Variants in KIAA1614 observed in about 807,000 individuals in gnomAD.
KIAA1614 encodes the protein KIAA1614.
In KIAA1614, 76 loss-of-function variants were observed where a neutral mutation model predicts 88.7. The observed-to-expected ratio is 0.86, with a 90% CI of 0.71 to 1.04. The LOEUF (loss-of-function observed/expected upper bound fraction) is 1.04. Among genes scored for constraint, KIAA1614 ranks in the 50% least tolerant of loss-of-function variants. The pLI is 0.00. For synonymous variants in KIAA1614, 714 were observed against 675.5 expected (o/e 1.06, Z -0.88); for missense variants, 1,553 against 1,582.5 (o/e 0.98, Z 0.32).
intron 5 of KIAA1614, among the ~76,000 whole-genome samples, chr1:180,937,073 A>G (rs2102271508): frequency 6.6e-6 from 1 of 152,342 alleles, no homozygotes; most frequent in East Asian, 1.9e-4. Flanking sequence ...TCCAGGATTT[A>G]CTATTTGTTT....
chr1:180,941,297 G>A lies in KIAA1614; in HGVS notation c.3159+12G>A. On this transcript the variant is annotated intron_variant, in intron 7 of 8. Coordinates refer to ENST00000367588, the MANE Select transcript of KIAA1614 (RefSeq NM_020950.2). Reference sequence around the variant, plus strand: ...AATCCCTGCACCCGGTGAGTCCAGGGGCCCCAGCCCAGGGAGTGAAGCCAG... The same window carrying A: ...AATCCCTGCACCCGGTGAGTCCAGGAGCCCCAGCCCAGGGAGTGAAGCCAG... 6.3e-7 allele frequency: 1 copy of A among 1,596,300 alleles called. No individual in the cohort carries two copies. Among genetic ancestry groups the A allele is most frequent in the Non-Finnish European group, 8.6e-7 (1 of 1,167,860 alleles).
In KIAA1614 at chr1:180,913,030, C is replaced by T. The variant is rs898266615; in HGVS notation, c.-214C>T. ...TGCGGCCCGTGGGGCGCTGCGCCGG[C>T]CAGACCCACCCGGGGCCCGGGGGCT... is the stretch of plus-strand genomic sequence containing the variant. On this transcript the variant is annotated 5_prime_UTR_variant, in exon 1 of 9. Transcript: ENST00000367588. The T allele has an allele frequency of 2.4e-5, 7 of 297,060 alleles. No individual in the cohort carries two copies. Among genetic ancestry groups the T allele is most frequent in the Non-Finnish European group, 3.7e-5 (6 of 162,248 alleles). 18.4% of individuals were successfully genotyped at this position (297,060 alleles called of 1,614,324 possible). A position where few individuals can be genotyped will look rare whatever the true frequency, so the allele number is the denominator to read the frequency against.
chr1:180,927,423 G>C (rs1037473884), intron 3 of KIAA1614, among the ~76,000 whole-genome samples: 6 of 152,238 alleles, frequency 3.9e-5, no homozygotes, highest in Non-Finnish European at 8.8e-5. Flanking sequence ...ACAGTGGGCT[G>C]GCTGTCGTGT....
chr1:180,945,444 T>A lies in KIAA1614; in HGVS notation c.3429T>A (p.Thr1143=), dbSNP rs2102278366. ...AGCTGCAGCGCTCCCCAGGGGGCAC[T>A]TTCGGCTTCTGCGTGGCCTCTGGGA... ...QLQLQRSPGG[T]FGFCVASGNG... is the part of the protein sequence containing the mutation. Residue 1143 remains threonine, a synonymous_variant, in exon 9 of 9, where the codon ACT becomes ACA. Coordinates refer to ENST00000367588, the MANE Select transcript of KIAA1614 (RefSeq NM_020950.2). 5.0e-6 allele frequency: 8 copies of A among 1,612,260 alleles called. No individual in the cohort carries two copies. Among genetic ancestry groups the A allele is most frequent in the Non-Finnish European group, 6.8e-6 (8 of 1,179,570 alleles).
intron 5 of KIAA1614, among the ~76,000 whole-genome samples, chr1:180,937,291 T>C (rs1223773000): frequency 6.6e-6 from 1 of 152,212 alleles, no homozygotes; most frequent in Non-Finnish European, 1.5e-5. Flanking sequence ...AGACACACTG[T>C]CCAGAGGACC....
chr1:180,934,266 AAAAAGAAAAG>A (rs1210966485), intron 4 of KIAA1614, among the ~76,000 whole-genome samples: 3 of 115,868 alleles, frequency 2.6e-5, no homozygotes, highest in African/African-American at 1.0e-4. Flanking sequence ...AAAAAAAAAA[AAAAAGAAAAG>A]AAAAGAAAAG....
intron 6 of KIAA1614, among the ~76,000 whole-genome samples, chr1:180,940,615 G>T (rs1375022139): frequency 6.6e-6 from 1 of 152,028 alleles, no homozygotes; most frequent in Non-Finnish European, 1.5e-5. Context: ...CAGAGTATCT[G>T]GCAGTCTTTT....
intron 3 of KIAA1614, among the ~76,000 whole-genome samples, chr1:180,923,600 T>C (rs1328546226): frequency 6.6e-6 from 1 of 152,212 alleles, no homozygotes; most frequent in Non-Finnish European, 1.5e-5. Flanking sequence ...ATCTCCTCCC[T>C]GAGCTCCTGG....
chr1:180,933,087 G>C (rs186620618), intron 4 of KIAA1614, among the ~76,000 whole-genome samples: 1 of 152,188 alleles, frequency 6.6e-6, no homozygotes, highest in Admixed American at 6.5e-5. Context: ...CAGTGCTTAT[G>C]GGGGGAAATG....
intron 1 of KIAA1614, chr1:180,914,162 G>C (rs1014302961): frequency 1.3e-5 from 2 of 151,782 alleles, no homozygotes; most frequent in Admixed American, 6.6e-5. Context: ...TTCAAGGGGG[G>C]GGGGACATCT....
At chr1:180,941,329 T>C (rs1031057737) in intron 7 of KIAA1614, 44 bp downstream of exon 7, 1 of 1,564,262 alleles carries the variant, frequency 6.4e-7, no homozygotes, top group Non-Finnish European at 8.7e-7. Flanking sequence ...CCAGTAGCGG[T>C]GCAACCACCA....
Position 180,916,822 on chromosome 1 carries a change from G to T in KIAA1614, c.719G>T (p.Arg240Met). ...IIHIPSPRTGRSYPFPDGVVT... is the reference protein window; with the variant it reads ...IIHIPSPRTGMSYPFPDGVVT... ...CACATTCCCAGCCCAAGGACAGGAAGGTCCTACCCTTTTCCAGATGGCGTG... is the reference window on the plus strand; with the variant it reads ...CACATTCCCAGCCCAAGGACAGGAATGTCCTACCCTTTTCCAGATGGCGTG... Residue 240 changes from arginine (R) to methionine (M), a missense_variant, in exon 2 of 9, where the codon AGG (arginine) becomes ATG (methionine). Transcript: ENST00000367588. 6.2e-7 allele frequency: 1 copy of T among 1,614,262 alleles called. No homozygotes were observed. Among genetic ancestry groups the T allele is most frequent in the Non-Finnish European group, 8.5e-7 (1 of 1,180,050 alleles).
chr1:180,919,613 C>A (rs1022737343), intron 3 of KIAA1614, among the ~76,000 whole-genome samples: 2 of 152,130 alleles, frequency 1.3e-5, no homozygotes, highest in African/African-American at 4.8e-5. Context: ...AGGGAAGGGC[C>A]CAGTGGGGAG....
chr1:180,929,978 G>T (rs556746709), intron 4 of KIAA1614, among the ~76,000 whole-genome samples: 1 of 152,180 alleles, frequency 6.6e-6, no homozygotes, highest in African/African-American at 2.4e-5. Flanking sequence ...CCACTGAGAC[G>T]ACTCCTTCAT....
chr1:180,944,497 G>T lies in KIAA1614; in HGVS notation c.3268G>T (p.Asp1090Tyr). ...CCTCTACCTGGTAGCAGGGCCAGGG[G>T]ACCACAGTGCAGCTGGCAGGTATGA... is the stretch of plus-strand genomic sequence containing the variant. ...SSLYLVAGPG[D>Y]HSAAGRPAKT... The change falls in exon 8 of 9, where the codon GAC (aspartate) becomes TAC (tyrosine). Residue 1090 changes from aspartate to tyrosine, a missense_variant. By Grantham distance (160) the Asp-to-Tyr change is radical. Coordinates refer to ENST00000367588, the MANE Select transcript of KIAA1614 (RefSeq NM_020950.2). 1 of 1,613,680 alleles carries T rather than the reference G, an allele frequency of 6.2e-7. No individual in the cohort carries two copies. The highest frequency in any genetic ancestry group is 8.5e-7 in the Non-Finnish European group (1 of 1,179,784).
Position 180,935,345 on chromosome 1 carries a change from T to C in KIAA1614, c.1436T>C (p.Val479Ala). 6.8e-7 allele frequency: 1 copy of C among 1,475,926 alleles called. No homozygotes were observed. 91.4% of individuals were successfully genotyped at this position (1,475,926 alleles called of 1,614,324 possible). A position where few individuals can be genotyped will look rare whatever the true frequency, so the allele number is the denominator to read the frequency against. Residue 479 changes from valine to alanine, a missense_variant, in exon 5 of 9, where the codon GTG (valine) becomes GCG (alanine). By Grantham distance (64) the Val-to-Ala change is moderately conservative (BLOSUM62 0). Transcript: ENST00000367588. This position sits in a 1 kb window ranked among gnomAD's most constrained non-coding sequence, Gnocchi z 6.1. ...QQRQRQVLST[V>A]LQAADQGPLR... is the part of the protein sequence containing the mutation. ...CGCCAGCGCCAGGTGCTGAGCACCG[T>C]GTTGCAGGCCGCGGACCAGGGCCCC...
chr1:180,913,497 G>T (rs1653708308), intron 1 of KIAA1614, among the ~76,000 whole-genome samples: 1 of 152,190 alleles, frequency 6.6e-6, no homozygotes, highest in African/African-American at 2.4e-5. Flanking sequence ...CACAGTGCTT[G>T]GGCCATAGAA....
In KIAA1614 at chr1:180,928,503, C is replaced by A; in HGVS notation, c.1135C>A (p.Arg379Ser). 6.2e-7 allele frequency: 1 copy of A among 1,613,146 alleles called. No homozygotes were observed. The highest frequency in any genetic ancestry group is 8.5e-7 in the Non-Finnish European group (1 of 1,179,982). Residue 379 changes from arginine to serine, a missense_variant, in exon 4 of 9, where the codon CGC (arginine) becomes AGC (serine). Physicochemically the swap from Arg to Ser is moderately radical, Grantham distance 110. Coordinates refer to ENST00000367588, the MANE Select transcript of KIAA1614 (RefSeq NM_020950.2). ...EEATHLLQRARMKARTRPLRA... is the reference protein window; with the variant it reads ...EEATHLLQRASMKARTRPLRA... ...AGCCACGCATCTGCTGCAGCGTGCC[C>A]GCATGAAGGCCAGGACCCGGCCCCT... is the stretch of plus-strand genomic sequence containing the variant.
chr1:180,923,358 G>A (rs367927857), intron 3 of KIAA1614, among the ~76,000 whole-genome samples: 3 of 152,162 alleles, frequency 2.0e-5, no homozygotes, highest in South Asian at 4.2e-4. Flanking sequence ...GCCACCAGCC[G>A]TCTCATTACC....
Sources: gnomAD v4.1 joint callset for allele counts (sites outside exome capture counted in the v4.1 genomes callset) on GRCh38, gnomAD v4.1.1 for gene constraint, Gnocchi (gnomAD v3.1) non-coding constraint, MANE v1.5 for transcripts, NCBI Gene and HGNC (gene_info 2026-07-23, HGNC 2026-07-21) for gene names.